The following CSMD1 variants were observed in gnomAD, a reference collection of about 807,000 sequenced individuals.
CSMD1 encodes CUB and Sushi multiple domains 1, also known as CUB and sushi domain-containing protein 1.
In CSMD1, 213 loss-of-function variants were observed where a neutral mutation model predicts 417.5. That is an observed-to-expected ratio of 0.51 (90% CI 0.46 to 0.57). The LOEUF (loss-of-function observed/expected upper bound fraction) is 0.57. Among genes scored for constraint, CSMD1 ranks in the 20% least tolerant of loss-of-function variants. The pLI, the probability that CSMD1 is intolerant of heterozygous loss-of-function variation, is 0.00. For synonymous variants in CSMD1, 2,862 were observed against 1,736.8 expected (o/e 1.65, Z -16.11); for missense variants, 6,923 against 4,529.7 (o/e 1.53, Z -15.17).
intron 10 of CSMD1, among the ~76,000 whole-genome samples, chr8:3,545,861 C>G (rs1258748573): frequency 6.6e-6 from 1 of 152,166 alleles, no homozygotes; most frequent in South Asian, 2.1e-4. Context: ...AAAGCAAAGT[C>G]AAGCAGTTGG....
chr8:4,838,773 C>A (rs900451921), intron 1 of CSMD1, among the ~76,000 whole-genome samples: 11 of 152,302 alleles, frequency 7.2e-5, no homozygotes, highest in Non-Finnish European at 1.2e-4. Flanking sequence ...AGACCTCCCA[C>A]CCAGAGTTTG....
intron 1 of CSMD1, chr8:4,788,523 G>C (rs1797528528): frequency 9.7e-6 from 14 of 1,439,692 alleles, no homozygotes; most frequent in Middle Eastern, 1.8e-4. Flanking sequence ...CTGTGAGCAA[G>C]CATTTTGAAC....
intron 3 of CSMD1, among the ~76,000 whole-genome samples, chr8:4,061,421 C>T (rs575069770): frequency 9.2e-5 from 14 of 152,334 alleles, no homozygotes; most frequent in Middle Eastern, 3.4e-3. Context: ...TAGCACTCTT[C>T]CAACCTGTGA....
At chr8:3,392,100 C>G (rs929338493) in intron 17 of CSMD1, among the ~76,000 whole-genome samples, 6 of 99,932 alleles carry the variant, frequency 6.0e-5, no homozygotes, top group Non-Finnish European at 1.1e-4. Context: ...ACACCAGGGC[C>G]TGTTGTGCGG....
intron 49 of CSMD1, among the ~76,000 whole-genome samples, chr8:3,055,211 G>A (rs1036091773): frequency 6.6e-6 from 1 of 152,176 alleles, no homozygotes; most frequent in Non-Finnish European, 1.5e-5. Context: ...GGAGACCAAA[G>A]CAGAAGATCT....
chr8:3,083,661 T>TTA (rs1814309666), intron 49 of CSMD1, among the ~76,000 whole-genome samples: 1 of 75,852 alleles, frequency 1.3e-5, no homozygotes, highest in Non-Finnish European at 2.5e-5. Context: ...TTTTTTTTTT[T>TTA]TTTTTTTTTT....
intron 1 of CSMD1, among the ~76,000 whole-genome samples, chr8:4,908,325 G>A (rs953541336): frequency 2.0e-5 from 3 of 152,120 alleles, no homozygotes; most frequent in Admixed American, 6.6e-5. Flanking sequence ...TATGATATAG[G>A]TAGGTGTAGA....
intron 5 of CSMD1, among the ~76,000 whole-genome samples, chr8:3,938,987 A>T (rs1339205053): frequency 6.6e-6 from 1 of 152,104 alleles, no homozygotes; most frequent in Non-Finnish European, 1.5e-5. Flanking sequence ...GAGAGTGTGG[A>T]ATGGGGTGGG....
intron 1 of CSMD1, among the ~76,000 whole-genome samples, chr8:4,782,945 A>G (rs1237482384): frequency 2.0e-5 from 3 of 148,204 alleles, no homozygotes; most frequent in African/African-American, 7.6e-5. Context: ...GTTTTTAAAG[A>G]CACTCAAAAA....
At chr8:3,480,112 A>G (rs1278165187) in intron 11 of CSMD1, among the ~76,000 whole-genome samples, 1 of 152,142 alleles carries the variant, frequency 6.6e-6, no homozygotes, top group Non-Finnish European at 1.5e-5. Flanking sequence ...TAATCTCAGC[A>G]CTTTGGGAGG....
rs898862425 is a variant in CSMD1 at position 3,492,601 on chromosome 8, T to C, written c.1448+1022A>G. ...GAAGTACACCCTCAAATCATTTTCC[T>C]AATTTTCATAAACCAGGTGTGATAA... On this transcript the variant is annotated intron_variant, in intron 11 of 69. Transcript: ENST00000635120. Among the ~76,000 whole-genome samples, 4 of 152,252 alleles carry C rather than the reference T, an allele frequency of 2.6e-5. No homozygotes were observed. The East Asian group carries it at 7.7e-4, about 29-fold the overall frequency.
At chr8:4,136,112 CT>C (rs1434542958) in intron 3 of CSMD1, among the ~76,000 whole-genome samples, 1 of 152,150 alleles carries the variant, frequency 6.6e-6, no homozygotes, top group African/African-American at 2.4e-5. Context: ...TTGAAGGAAA[CT>C]TTCCAAAGGA....
intron 2 of CSMD1, among the ~76,000 whole-genome samples, chr8:4,631,992 TATA>T (rs1563351757): frequency 6.6e-6 from 1 of 152,224 alleles, no homozygotes; most frequent in African/African-American, 2.4e-5. Flanking sequence ...AGACCTTTGA[TATA>T]ATAATTTTAT....
chr8:3,352,085 A>G (rs1490359880), intron 21 of CSMD1, among the ~76,000 whole-genome samples: 2 of 152,084 alleles, frequency 1.3e-5, no homozygotes, highest in Non-Finnish European at 2.9e-5. Context: ...CTGAGGGCCT[A>G]GTGCTTCATG....
chr8:3,784,171 T>C (rs960396356), intron 5 of CSMD1, among the ~76,000 whole-genome samples: 9 of 152,222 alleles, frequency 5.9e-5, no homozygotes, highest in South Asian at 2.1e-4. Context: ...ATAGTAGACA[T>C]GTAAGTGTCA....
intron 49 of CSMD1, among the ~76,000 whole-genome samples, chr8:3,056,993 AAC>A (rs1812274846): frequency 6.6e-6 from 1 of 152,146 alleles, no homozygotes; most frequent in African/African-American, 2.4e-5. Context: ...GCCAAGAAAT[AAC>A]AGTTAATTTT....
At chr8:3,294,174 C>G (rs1171819568) in intron 25 of CSMD1, among the ~76,000 whole-genome samples, 2 of 152,132 alleles carry the variant, frequency 1.3e-5, no homozygotes, top group Non-Finnish European at 2.9e-5. Context: ...GCTGTCTGAT[C>G]ATTCCTCTGG....
chr8:3,024,539 T>A (rs931562156), intron 51 of CSMD1, among the ~76,000 whole-genome samples: 2 of 152,204 alleles, frequency 1.3e-5, no homozygotes, highest in African/African-American at 4.8e-5. Flanking sequence ...ACTCCTGACC[T>A]CAGGTGATCC....
intron 7 of CSMD1, among the ~76,000 whole-genome samples, chr8:3,669,897 T>C (rs1798900061): frequency 6.6e-6 from 1 of 152,174 alleles, no homozygotes; most frequent in African/African-American, 2.4e-5. Context: ...TTCCTTCTTC[T>C]TTCTTAACAT....
Sources: allele counts gnomAD v4.1 joint callset (sites outside exome capture counted in the v4.1 genomes callset), GRCh38; gene constraint gnomAD v4.1.1; transcripts MANE v1.5; gene names NCBI Gene and HGNC (gene_info 2026-07-23, HGNC 2026-07-21).